The following RMP24 variants were observed in gnomAD, a reference collection of about 807,000 sequenced individuals.
The protein encoded by RMP24 is ribonuclease MRP subunit p24.
the RMP24 span, chr18:35,979,017 A>G: frequency 1.3e-6 from 2 of 1,552,216 alleles, no homozygotes; most frequent in Non-Finnish European, 1.7e-6. Flanking sequence ...GAAATGCCTG[A>G]TGTCAATTCT....
At chr18:35,972,694 G>C in the RMP24 span, 7 of 1,580,018 alleles carry the variant, frequency 4.4e-6, no homozygotes, top group Non-Finnish European at 5.1e-6. Context: ...TTCTCACCTG[G>C]TTCCCGCGGC....
At chr18:35,972,870 CTT>C in the RMP24 span, 6 of 1,614,190 alleles carry the variant, frequency 3.7e-6, no homozygotes, top group Non-Finnish European at 5.1e-6. Context: ...TCACAAGTCT[CTT>C]TCTCTTTTAC....
the RMP24 span, chr18:35,973,576 C>T: frequency 1.3e-5 from 2 of 152,568 alleles, no homozygotes; most frequent in Admixed American, 6.5e-5. Flanking sequence ...CTCCCTAACT[C>T]TCTCTCCTCC....
chr18:35,973,285 G>A, the RMP24 span: 1 of 344,730 alleles, frequency 2.9e-6, no homozygotes, highest in African/African-American at 2.1e-5. Context: ...TCGCTTCCTT[G>A]GTGACAGTTT....
chr18:35,977,697 C>A, the RMP24 span: 1 of 1,282,980 alleles, frequency 7.8e-7, no homozygotes, highest in Non-Finnish European at 1.1e-6. Flanking sequence ...CCATGCATTT[C>A]AGGACTTGGC....
the RMP24 span, chr18:35,974,988 T>TTC: frequency 2.5e-6 from 4 of 1,614,158 alleles, no homozygotes; most frequent in Non-Finnish European, 3.4e-6. Context: ...CAAAGCCAGG[T>TTC]TGACACCCAA....
the RMP24 span, chr18:35,977,376 A>G: frequency 1.9e-6 from 3 of 1,573,580 alleles, no homozygotes; most frequent in East Asian, 4.5e-5. Context: ...TATAAGATAA[A>G]TGACGGGACT....
the RMP24 span, chr18:35,979,218 T>A: frequency 2.4e-6 from 1 of 413,274 alleles, no homozygotes. Context: ...TGAAAGTTCC[T>A]TGTAGATACA....
At chr18:35,973,746 C>T in the RMP24 span, 1 of 152,132 alleles carries the variant, frequency 6.6e-6, no homozygotes, top group Non-Finnish European at 1.5e-5. Flanking sequence ...CATGGCGAAA[C>T]GCTGTCTCTA....
At chr18:35,977,374 A>G in the RMP24 span, 1 of 1,570,054 alleles carries the variant, frequency 6.4e-7, no homozygotes, top group Non-Finnish European at 8.7e-7. Context: ...ATTATAAGAT[A>G]AATGACGGGA....
chr18:35,976,911 A>C, the RMP24 span, among the ~76,000 whole-genome samples: 2 of 152,206 alleles, frequency 1.3e-5, no homozygotes, highest in African/African-American at 4.8e-5. Flanking sequence ...TTAGCCATTC[A>C]TTTTTATTGA....
chr18:35,973,002 C>T, the RMP24 span: 4 of 1,510,802 alleles, frequency 2.6e-6, no homozygotes, highest in East Asian at 6.8e-5. Flanking sequence ...GGACTCACTT[C>T]CCTCCATAAA....
the RMP24 span, chr18:35,978,819 T>C: frequency 1.3e-6 from 2 of 1,565,638 alleles, no homozygotes; most frequent in East Asian, 2.3e-5. Flanking sequence ...CTAAGTGTGG[T>C]TTTGTTTCTT....
the RMP24 span, chr18:35,973,805 C>T: frequency 6.6e-6 from 1 of 152,162 alleles, no homozygotes; most frequent in Non-Finnish European, 1.5e-5. Flanking sequence ...GCCTGTAATC[C>T]CAGCTACTCG....
chr18:35,972,747 C>A, the RMP24 span: 1 of 1,612,946 alleles, frequency 6.2e-7, no homozygotes, highest in South Asian at 1.1e-5. Flanking sequence ...GAAGCACTAC[C>A]TTGAGGCTGC....
At chr18:35,973,523 C>G in the RMP24 span, 1 of 153,210 alleles carries the variant, frequency 6.5e-6, no homozygotes, top group African/African-American at 2.4e-5. Flanking sequence ...TTCCATTCTT[C>G]CCTTACAGTT....
the RMP24 span, chr18:35,972,858 C>T: frequency 0.018 from 29,502 of 1,614,174 alleles, 325 homozygotes; most frequent in Non-Finnish European, 0.02. Context: ...TTCCTTTGCT[C>T]CTCACAAGTC....
chr18:35,974,506 T>C, the RMP24 span, among the ~76,000 whole-genome samples: 3 of 152,272 alleles, frequency 2.0e-5, no homozygotes, highest in African/African-American at 7.2e-5. Context: ...TTGTGCTAAT[T>C]ATTTAAAAAA....
the RMP24 span, chr18:35,972,989 G>C: frequency 6.4e-7 from 1 of 1,558,226 alleles, no homozygotes; most frequent in African/African-American, 1.4e-5. Flanking sequence ...AAATAAGGCC[G>C]ATGGACTCAC....
Sources: allele counts gnomAD v4.1 joint callset (sites outside exome capture counted in the v4.1 genomes callset), GRCh38; gene constraint gnomAD v4.1.1; transcripts MANE v1.5; gene names NCBI Gene and HGNC (gene_info 2026-07-23, HGNC 2026-07-21).